SMARCA2: variants seen among roughly 807,000 people sequenced by gnomAD.
SMARCA2 encodes SWI/SNF-related matrix-associated actin-dependent regulator of chromatin subfamily A member 2.
In SMARCA2, 61 loss-of-function variants were observed where a neutral mutation model predicts 199.8. The observed-to-expected ratio is 0.31, with a 90% CI of 0.25 to 0.38. The LOEUF (loss-of-function observed/expected upper bound fraction) is 0.38, where lower values mean the gene tolerates loss of function less well. Among genes scored for constraint, SMARCA2 ranks in the 10% least tolerant of loss-of-function variants. SMARCA2 has a pLI of 1.00. For synonymous variants in SMARCA2, 935 were observed against 732.0 expected (o/e 1.28, Z -4.48); for missense variants, 1,344 against 2,012.2 (o/e 0.67, Z 6.35).
chr9:2,091,558 CT>C (rs144677790), intron 19 of SMARCA2, among the ~76,000 whole-genome samples: 18,114 of 152,192 alleles, frequency 0.12, 1,198 homozygotes, highest in East Asian at 0.21. Context: ...CTGCTATAAA[CT>C]TTTCATGTAC....
At chr9:2,096,626 T>C in intron 19 of SMARCA2, 31 bp from the exon 20 acceptor site, 1 of 1,433,564 alleles carries the variant, frequency 7.0e-7, no homozygotes, top group Non-Finnish European at 9.8e-7. Context: ...TCCTTCCTGC[T>C]CTTGCCTACT....
In SMARCA2 at chr9:2,110,009, T is replaced by A. The variant is rs1822927651; in HGVS notation, c.3293-245T>A. On this transcript the variant is annotated intron_variant, in intron 23 of 33. Coordinates refer to ENST00000349721, the MANE Select transcript of SMARCA2 (RefSeq NM_003070.5). The surrounding 1 kb of genome is among the most constrained non-coding windows in gnomAD (Gnocchi z 4.8). ...TCATTGTTTTAGGTGAGAGTAAGGA[T>A]TTTGTAAAATTTGTGAAGTTGCGAA... Among the ~76,000 whole-genome samples, 1 of 152,230 alleles carries A rather than the reference T, an allele frequency of 6.6e-6. No individual in the cohort carries two copies. Among genetic ancestry groups the A allele is most frequent in the African/African-American group, 2.4e-5 (1 of 41,462 alleles).
rs1254923253 is a variant in SMARCA2 at position 2,115,786 on chromosome 9, A to T, written c.3457-36A>T. The T allele has an allele frequency of 1.9e-6, 3 of 1,565,442 alleles. No individual in the cohort carries two copies. The highest frequency in any genetic ancestry group is 2.6e-6 in the Non-Finnish European group (3 of 1,139,354). ...CCGGTTTTGGATGCCTATGCCAGGC[A>T]TCTCAGTCCTCATAGCATATTGACC... On this transcript the variant is annotated intron_variant, in intron 24 of 33. Coordinates refer to ENST00000349721, the MANE Select transcript of SMARCA2 (RefSeq NM_003070.5). The surrounding 1 kb of genome is among the most constrained non-coding windows in gnomAD (Gnocchi z 6.0).
chr9:2,086,701 C>G lies in SMARCA2; in HGVS notation c.2527-128C>G. 1.0e-6 allele frequency: 1 copy of G among 959,388 alleles called. No homozygotes were observed. The allele number at this position is 959,388 out of a possible 1,614,324, so 59.4% of individuals were successfully genotyped here. ...AGACATTGTTGAGATTCCCTTGTCT[C>G]AAAGGTAATCACAGCATATCATATA... On this transcript the variant is annotated intron_variant, in intron 17 of 33. Coordinates refer to ENST00000349721, the MANE Select transcript of SMARCA2 (RefSeq NM_003070.5). The surrounding 1 kb of genome is among the most constrained non-coding windows in gnomAD (Gnocchi z 4.3).
intron 23 of SMARCA2, among the ~76,000 whole-genome samples, chr9:2,108,845 A>C (rs1414456170): frequency 6.6e-6 from 1 of 152,180 alleles, no homozygotes; most frequent in Non-Finnish European, 1.5e-5. Flanking sequence ...CTCCTCCTCC[A>C]AAATCTAAAC....
intron 23 of SMARCA2, among the ~76,000 whole-genome samples, chr9:2,108,944 A>G (rs1327983143): frequency 6.6e-6 from 1 of 152,236 alleles, no homozygotes; most frequent in East Asian, 1.9e-4. Flanking sequence ...ATGTGACTCC[A>G]TGTGACTCAA....
intron 32 of SMARCA2, among the ~76,000 whole-genome samples, chr9:2,189,749 T>C (rs1827749560): frequency 6.6e-6 from 1 of 151,978 alleles, no homozygotes; most frequent in Non-Finnish European, 1.5e-5. Context: ...CTATTTTGTG[T>C]ATTAGGATTT....
chr9:2,153,397 G>A (rs1291907361), intron 27 of SMARCA2, among the ~76,000 whole-genome samples: 1 of 152,086 alleles, frequency 6.6e-6, no homozygotes, highest in South Asian at 2.1e-4. Context: ...GCCAGGCATG[G>A]TGGTGTGCGC....
At chr9:2,118,784 T>C (rs139441951) in intron 25 of SMARCA2, among the ~76,000 whole-genome samples, 82 of 152,358 alleles carry the variant, frequency 5.4e-4, no homozygotes, top group African/African-American at 1.9e-3. Flanking sequence ...TTAGCCCATA[T>C]GTAATTGCTT....
At chr9:2,052,429 T>C (rs923829904) in intron 5 of SMARCA2, among the ~76,000 whole-genome samples, 10 of 152,190 alleles carry the variant, frequency 6.6e-5, no homozygotes, top group Non-Finnish European at 4.4e-5. Flanking sequence ...TGAGCAGAGA[T>C]AGTGCCACTG....
chr9:2,103,661 TGAGAGA>T (rs34122859), intron 22 of SMARCA2, among the ~76,000 whole-genome samples: 28 of 142,336 alleles, frequency 2.0e-4, no homozygotes, highest in African/African-American at 5.8e-4. Context: ...TGTGTGTGTG[TGAGAGA>T]GAGAGAGAGA....
chr9:2,150,586 T>C (rs1825012848), intron 27 of SMARCA2, among the ~76,000 whole-genome samples: 2 of 151,662 alleles, frequency 1.3e-5, no homozygotes, highest in African/African-American at 4.8e-5. Flanking sequence ...TATATGTGCC[T>C]ACGAGCAGCG....
chr9:2,184,862 C>T (rs1331475326), intron 31 of SMARCA2, among the ~76,000 whole-genome samples: 3 of 150,906 alleles, frequency 2.0e-5, no homozygotes, highest in Admixed American at 6.6e-5. Flanking sequence ...CTCTCTCTCT[C>T]GCGCGGGTCC....
At chr9:2,034,911 T>C (rs1348933006) in intron 3 of SMARCA2, among the ~76,000 whole-genome samples, 1 of 152,180 alleles carries the variant, frequency 6.6e-6, no homozygotes, top group African/African-American at 2.4e-5. Context: ...AAGAACAGAT[T>C]TGACTCATTC....
At chr9:2,022,626 C>T (rs950569134) in intron 1 of SMARCA2, among the ~76,000 whole-genome samples, 4 of 152,104 alleles carry the variant, frequency 2.6e-5, no homozygotes, top group Non-Finnish European at 5.9e-5. Flanking sequence ...CCATTTTAAC[C>T]ACAGGTTTTT....
At chr9:2,087,184 T>A (rs927099002) in intron 18 of SMARCA2, 113 bp downstream of exon 18, 3 of 1,328,942 alleles carry the variant, frequency 2.3e-6, no homozygotes, top group Non-Finnish European at 3.1e-6. Flanking sequence ...TCCACTGTTG[T>A]TTATTTTATG....
intron 29 of SMARCA2, among the ~76,000 whole-genome samples, chr9:2,172,968 T>C (rs1826339254): frequency 6.6e-6 from 1 of 152,142 alleles, no homozygotes; most frequent in Non-Finnish European, 1.5e-5. Flanking sequence ...TGGAGGAAGA[T>C]AGTCCTTAAA....
At chr9:2,092,237 A>G (rs964423849) in intron 19 of SMARCA2, among the ~76,000 whole-genome samples, 16 of 152,350 alleles carry the variant, frequency 1.1e-4, no homozygotes, top group Admixed American at 1.0e-3. Context: ...ATATGCTAAA[A>G]TATGTATATA....
In SMARCA2 at chr9:2,110,793, T is replaced by C. The variant is rs1168008545; in HGVS notation, c.3456+376T>C. ...TTAATCTGTGTCAGCCTCTTGGGCA[T>C]TTTTTCATTCAGTTTTACGACAACC... On this transcript the variant is annotated intron_variant, in intron 24 of 33. Transcript: ENST00000349721. This position sits in a 1 kb window ranked among gnomAD's most constrained non-coding sequence, Gnocchi z 4.8. Among the ~76,000 whole-genome samples the C allele has an allele frequency of 6.6e-6, 1 of 152,202 alleles. No individual in the cohort carries two copies. The highest frequency in any genetic ancestry group is 1.9e-4 in the East Asian group (1 of 5,198).
Sources: allele counts gnomAD v4.1 joint callset (sites outside exome capture counted in the v4.1 genomes callset), GRCh38; gene constraint gnomAD v4.1.1; non-coding constraint Gnocchi (gnomAD v3.1); transcripts MANE v1.5; gene names NCBI Gene and HGNC (gene_info 2026-07-23, HGNC 2026-07-21).